The following NBEA variants were observed in gnomAD, a reference collection of about 807,000 sequenced individuals.
NBEA encodes neurobeachin.
Under a neutral mutation model 343.4 loss-of-function variants are expected in NBEA, and 44 were observed. That is an observed-to-expected ratio of 0.13 (90% CI 0.10 to 0.16). The LOEUF (loss-of-function observed/expected upper bound fraction) is 0.16. Ranked by LOEUF, NBEA falls within the 10% of genes least tolerant of loss-of-function variation. The pLI, the probability that NBEA is intolerant of heterozygous loss-of-function variation, is 1.00. For missense variants in NBEA, 2,555 were observed against 3,631.3 expected, an observed-to-expected ratio of 0.70 and a Z score of 7.62; for synonymous variants, 1,175 against 1,238.7, an observed-to-expected ratio of 0.95 and a Z score of 1.08.
chr13:35,043,414 ATCT>A (rs1255946971), intron 2 of NBEA, among the ~76,000 whole-genome samples: 6 of 151,896 alleles, frequency 4.0e-5, no homozygotes, highest in Non-Finnish European at 8.8e-5. Flanking sequence ...CCTTTAAGAA[ATCT>A]TCTGTAAAGG....
intron 31 of NBEA, among the ~76,000 whole-genome samples, chr13:35,205,865 A>G (rs978596670): frequency 2.0e-5 from 3 of 152,060 alleles, no homozygotes; most frequent in Non-Finnish European, 4.4e-5. Flanking sequence ...CTTTATAGCA[A>G]TCTTAAGTTT....
intron 41 of NBEA, among the ~76,000 whole-genome samples, chr13:35,522,103 G>A (rs574318772): frequency 2.0e-5 from 3 of 152,160 alleles, no homozygotes; most frequent in African/African-American, 7.2e-5. Flanking sequence ...GTAGAGCAGT[G>A]GTATGAGGGG....
intron 35 of NBEA, among the ~76,000 whole-genome samples, chr13:35,305,202 C>T (rs956356970): frequency 6.6e-6 from 1 of 152,146 alleles, no homozygotes; most frequent in African/African-American, 2.4e-5. Context: ...TTTCTGGATG[C>T]CTGTTACTAA....
intron 8 of NBEA, among the ~76,000 whole-genome samples, chr13:35,067,769 C>T (rs1402662248): frequency 1.3e-5 from 2 of 152,074 alleles, no homozygotes; most frequent in Admixed American, 6.6e-5. Context: ...CAAGGTCTCA[C>T]TCTGTCACCC....
At chr13:35,329,407 T>C (rs913945205) in intron 36 of NBEA, among the ~76,000 whole-genome samples, 1 of 151,980 alleles carries the variant, frequency 6.6e-6, no homozygotes, top group African/African-American at 2.4e-5. Flanking sequence ...CGTAGCAGTT[T>C]TATTCGTAAT....
At chr13:35,373,603 G>C (rs112442116) in intron 38 of NBEA, among the ~76,000 whole-genome samples, 24 of 152,008 alleles carry the variant, frequency 1.6e-4, no homozygotes, top group African/African-American at 5.3e-4. Context: ...TATTCAGGAG[G>C]CTGAGGTGGG....
intron 45 of NBEA, among the ~76,000 whole-genome samples, chr13:35,569,576 A>T (rs903614599): frequency 6.6e-6 from 1 of 152,150 alleles, no homozygotes; most frequent in Admixed American, 6.5e-5. Context: ...TCAGTTGTTC[A>T]GTCAACAAAT....
At chr13:35,365,678 TTATA>T (rs1365732472) in intron 38 of NBEA, among the ~76,000 whole-genome samples, 8 of 151,810 alleles carry the variant, frequency 5.3e-5, no homozygotes, top group African/African-American at 1.9e-4. Context: ...ATATTTTTAT[TTATA>T]TATCATCACA....
chr13:35,301,358 G>T (rs760891353), intron 35 of NBEA, among the ~76,000 whole-genome samples: 2 of 151,520 alleles, frequency 1.3e-5, no homozygotes, highest in African/African-American at 2.4e-5. Flanking sequence ...CCCCCAACAG[G>T]CCCCAGTGTG....
At chr13:35,288,309 G>T (rs1433151718) in intron 34 of NBEA, among the ~76,000 whole-genome samples, 2 of 151,758 alleles carry the variant, frequency 1.3e-5, no homozygotes, top group Non-Finnish European at 1.5e-5. Flanking sequence ...AGATAGATAG[G>T]TCTTTCAAAT....
In NBEA at chr13:35,207,495, GAA is replaced by G; in HGVS notation, c.5367-1204_5367-1203del. 2.0e-5 allele frequency among the ~76,000 whole-genome samples: 3 copies of G among 152,218 alleles called. No homozygotes were observed. In the South Asian group the frequency reaches 6.2e-4, roughly 32 times the overall value. ...AAGGTTTGGAAGATATTTGCTAAAT[GAA>G]GTTTGCAGTGCTATAAACTTTGAGA... On this transcript the variant is annotated intron_variant, in intron 31 of 58. Transcript: ENST00000379939.
intron 4 of NBEA, among the ~76,000 whole-genome samples, chr13:35,046,900 T>C (rs755727521): frequency 3.9e-5 from 6 of 152,112 alleles, no homozygotes; most frequent in Non-Finnish European, 7.4e-5. Context: ...GATGAGCATT[T>C]TTTCATGTGT....
At chr13:35,348,981 A>C (rs2040031937) in intron 36 of NBEA, 127 bp from the exon 37 acceptor site, 1 of 397,786 alleles carries the variant, frequency 2.5e-6, no homozygotes, top group Non-Finnish European at 4.5e-6. Flanking sequence ...TTTAAAATAT[A>C]TTAATTTTAT....
At position 35,666,728 on chromosome 13, in the gene NBEA, C is replaced by T. The variant is rs371956538; in HGVS notation, c.8465-646C>T. Among the ~76,000 whole-genome samples, 89 of 152,274 alleles carry T rather than the reference C, an allele frequency of 5.8e-4. 3 individuals are homozygous for T. The East Asian group carries it at 0.017, about 29-fold the overall frequency. On this transcript the variant is annotated intron_variant, in intron 56 of 58. Transcript: ENST00000379939. ...TATGAATTGATCAGTGAATTTTTTA[C>T]TTTATCAACACTATTTTATAAGGGC...
At chr13:35,317,697 A>T (rs988566032) in intron 36 of NBEA, among the ~76,000 whole-genome samples, 1 of 152,054 alleles carries the variant, frequency 6.6e-6, no homozygotes, top group African/African-American at 2.4e-5. Flanking sequence ...ACTTTGGGCA[A>T]TATGGCCATT....
At chr13:35,343,827 C>A (rs2039724708) in intron 36 of NBEA, among the ~76,000 whole-genome samples, 1 of 152,024 alleles carries the variant, frequency 6.6e-6, no homozygotes, top group South Asian at 2.1e-4. Context: ...AAGCTCAGGG[C>A]TCCCACTGAT....
chr13:35,075,490 AT>A, intron 10 of NBEA, among the ~76,000 whole-genome samples: 2 of 152,184 alleles, frequency 1.3e-5, no homozygotes, highest in South Asian at 4.1e-4. Context: ...TAGGAAAAGC[AT>A]TTTTTAAAAT....
intron 8 of NBEA, among the ~76,000 whole-genome samples, chr13:35,063,187 C>T (rs1326212337): frequency 7.2e-5 from 11 of 151,978 alleles, no homozygotes; most frequent in Non-Finnish European, 1.6e-4. Flanking sequence ...TTCACTAATT[C>T]ATCCATTCAT....
chr13:35,639,510 G>T (rs2083841055), intron 49 of NBEA, among the ~76,000 whole-genome samples: 1 of 152,064 alleles, frequency 6.6e-6, no homozygotes, highest in South Asian at 2.1e-4. Flanking sequence ...AGGTGGAACA[G>T]AAAGATGATA....
Sources: gnomAD v4.1 joint callset for allele counts (sites outside exome capture counted in the v4.1 genomes callset) on GRCh38, gnomAD v4.1.1 for gene constraint, MANE v1.5 for transcripts, NCBI Gene and HGNC (gene_info 2026-07-23, HGNC 2026-07-21) for gene names.